Variants in PATJ observed in about 807,000 individuals in gnomAD.
PATJ encodes inaD-like protein.
Under a neutral mutation model 224.9 loss-of-function variants are expected in PATJ, and 190 were observed. The observed-to-expected ratio is 0.84, with a 90% CI of 0.75 to 0.95. The LOEUF (loss-of-function observed/expected upper bound fraction) is 0.95. PATJ is among the 40% of genes least tolerant of loss of function. PATJ has a pLI of 0.00. For missense variants in PATJ, 2,121 were observed against 2,270.3 expected, an observed-to-expected ratio of 0.93 and a Z score of 1.34; for synonymous variants, 769 against 820.3, an observed-to-expected ratio of 0.94 and a Z score of 1.07.
intron 17 of PATJ, among the ~76,000 whole-genome samples, chr1:61,842,527 A>T (rs1243983782): frequency 6.6e-6 from 1 of 152,116 alleles, no homozygotes; most frequent in East Asian, 1.9e-4. Flanking sequence ...GATCCTGAAG[A>T]TGGTGAATCT....
chr1:61,766,374 C>A lies in PATJ; in HGVS notation c.285C>A (p.Val95=). 1 of 1,611,028 alleles carries A rather than the reference C, an allele frequency of 6.2e-7. No individual in the cohort carries two copies. Among genetic ancestry groups the A allele is most frequent in the Non-Finnish European group, 8.5e-7 (1 of 1,178,228 alleles). The change falls in exon 4 of 44, where the codon GTC becomes GTA. Residue 95 remains valine (V), a synonymous_variant. Coordinates refer to ENST00000642238, the MANE Select transcript of PATJ (RefSeq NM_001350145.3). The part of the protein sequence containing the change: ...FTDGSITNGN[V]HRPSNNSTVS... ...ATGGTTCCATCACTAATGGAAATGT[C>A]CACAGGCCCTCTAATAACTCGACTG... is the stretch of plus-strand genomic sequence containing the variant.
Position 61,763,043 on chromosome 1 carries a change from G to A in PATJ, c.53G>A (p.Arg18His), listed in dbSNP as rs746434448. The change falls in exon 3 of 44, where the codon CGC (arginine) becomes CAC (histidine). Residue 18 changes from arginine to histidine, a missense_variant. Coordinates refer to ENST00000642238, the MANE Select transcript of PATJ (RefSeq NM_001350145.3). The stretch of plus-strand genomic sequence containing the variant: ...CTGCAGGTGCTGCAGGTACTTGATC[G>A]CCTGAAAATGAAATTGCAGGAGAAG... ...DKLQVLQVLDRLKMKLQEKGD... is the reference protein window; with the variant it reads ...DKLQVLQVLDHLKMKLQEKGD... The A allele has an allele frequency of 3.4e-5, 54 of 1,610,598 alleles. No individual in the cohort carries two copies. Among genetic ancestry groups the A allele is most frequent in the African/African-American group, 5.3e-5 (4 of 74,802 alleles).
In PATJ at chr1:62,162,475, T is replaced by A; in HGVS notation, c.*1421T>A. 1 of 152,378 alleles carries A rather than the reference T, an allele frequency of 6.6e-6. No homozygotes were observed. The highest frequency in any genetic ancestry group is 1.5e-5 in the Non-Finnish European group (1 of 68,048). The allele number at this position is 152,378 out of a possible 1,614,324, so 9.4% of individuals were successfully genotyped here. On this transcript the variant is annotated 3_prime_UTR_variant, in exon 44 of 44. Transcript: ENST00000642238. ...CCTAGGAATATGTGATGAAAATGCA[T>A]GGCTGATGTTTCCTGATCTCCAAGG...
chr1:62,077,563 G>A (rs950801229), intron 31 of PATJ, among the ~76,000 whole-genome samples: 9 of 151,564 alleles, frequency 5.9e-5, no homozygotes, highest in African/African-American at 1.2e-4. Context: ...GGTGGTGTGC[G>A]CCTGTAATCC....
chr1:61,758,517 T>G (rs2148254921), intron 1 of PATJ, among the ~76,000 whole-genome samples: 1 of 151,866 alleles, frequency 6.6e-6, no homozygotes, highest in East Asian at 1.9e-4. Context: ...CCCAGCTAAT[T>G]TTTGTATTTT....
chr1:61,833,888 T>C (rs1659748590), intron 17 of PATJ, 103 bp downstream of exon 17: 1 of 1,003,234 alleles, frequency 1.0e-6, no homozygotes, highest in Non-Finnish European at 1.5e-6. Flanking sequence ...TAAGCAAAAC[T>C]GAATCCCAAA....
intron 7 of PATJ, among the ~76,000 whole-genome samples, chr1:61,784,976 G>T (rs954338184): frequency 3.3e-5 from 5 of 152,068 alleles, no homozygotes; most frequent in African/African-American, 1.2e-4. Context: ...CCCTTCTAGT[G>T]GCTTCTGCAG....
At chr1:61,768,590 A>G (rs971085475) in intron 4 of PATJ, among the ~76,000 whole-genome samples, 12 of 152,114 alleles carry the variant, frequency 7.9e-5, no homozygotes, top group Admixed American at 5.9e-4. Flanking sequence ...TGATATATCT[A>G]TTTTCCTCAT....
rs556388784 is a variant in PATJ, at chr1:62,111,997, A to G, written c.4462-2056A>G. Among the ~76,000 whole-genome samples, 9 of 152,144 alleles carry G rather than the reference A, an allele frequency of 5.9e-5. No homozygotes were observed. The East Asian group carries it at 1.7e-3, about 29-fold the overall frequency. ...TCTTTACCACTGTTATTCTGGATGT[A>G]GCTCATCTAAGTGAACACACAAGCC... On this transcript the variant is annotated intron_variant, in intron 34 of 43. Coordinates refer to ENST00000642238, the MANE Select transcript of PATJ (RefSeq NM_001350145.3).
At chr1:62,024,885 A>G (rs958457958) in intron 29 of PATJ, among the ~76,000 whole-genome samples, 1 of 152,022 alleles carries the variant, frequency 6.6e-6, no homozygotes, top group Non-Finnish European at 1.5e-5. Context: ...ACTTGATACG[A>G]ATGGTGTTTA....
chr1:61,768,472 A>AAAATAAATAAATAAATAAAT (rs141005824), intron 4 of PATJ, among the ~76,000 whole-genome samples: 3,670 of 149,332 alleles, frequency 0.025, 58 homozygotes, highest in African/African-American at 0.045. Flanking sequence ...TCCGTCTCAA[A>AAAATAAATAAATAAATAAAT]AAATAAATAA....
At chr1:61,745,510 G>C (rs937506384) in intron 1 of PATJ, among the ~76,000 whole-genome samples, 1 of 152,036 alleles carries the variant, frequency 6.6e-6, no homozygotes, top group Non-Finnish European at 1.5e-5. Flanking sequence ...CTGACCTCAA[G>C]TGATCCACCT....
intron 41 of PATJ, among the ~76,000 whole-genome samples, chr1:62,133,120 T>G (rs757936327): frequency 6.7e-6 from 1 of 150,086 alleles, no homozygotes; most frequent in South Asian, 2.1e-4. Flanking sequence ...GACACCAAGA[T>G]AGTACATTTC....
chr1:61,925,911 G>A (rs77867079), intron 26 of PATJ, among the ~76,000 whole-genome samples: 7,315 of 152,210 alleles, frequency 0.048, 589 homozygotes, highest in African/African-American at 0.17. Context: ...CAATAAAACT[G>A]TAACCTTTGA....
At chr1:61,955,643 G>T (rs748379552) in intron 27 of PATJ, among the ~76,000 whole-genome samples, 2 of 152,162 alleles carry the variant, frequency 1.3e-5, no homozygotes, top group South Asian at 4.1e-4. Context: ...GAAATTTATA[G>T]GTTTATTTCT....
intron 27 of PATJ, among the ~76,000 whole-genome samples, chr1:61,971,576 G>A (rs1297428184): frequency 1.3e-5 from 2 of 152,092 alleles, no homozygotes; most frequent in Non-Finnish European, 2.9e-5. Context: ...TCATGCCACT[G>A]CACTCTAGCC....
chr1:61,758,202 G>C (rs1221111092), intron 1 of PATJ, among the ~76,000 whole-genome samples: 1 of 152,142 alleles, frequency 6.6e-6, no homozygotes, highest in Non-Finnish European at 1.5e-5. Flanking sequence ...TTCCTTCTTG[G>C]AGGAGCCCCC....
chr1:62,135,007 T>C (rs1570749903), intron 41 of PATJ, among the ~76,000 whole-genome samples: 1 of 143,132 alleles, frequency 7.0e-6, no homozygotes, highest in East Asian at 2.1e-4. Flanking sequence ...CCTATGTGAG[T>C]ATCACTAAAG....
At chr1:62,134,330 C>CTTTTTTTTTTTTTT (rs779235130) in intron 41 of PATJ, among the ~76,000 whole-genome samples, 15 of 96,512 alleles carry the variant, frequency 1.6e-4, no homozygotes, top group African/African-American at 4.3e-4. Flanking sequence ...CCAGCCCTCT[C>CTTTTTTTTTTTTTT]TTTTTTTTTT....
Sources: gnomAD v4.1 joint callset for allele counts (sites outside exome capture counted in the v4.1 genomes callset) on GRCh38, gnomAD v4.1.1 for gene constraint, MANE v1.5 for transcripts, NCBI Gene and HGNC (gene_info 2026-07-23, HGNC 2026-07-21) for gene names.